Variants in ASAH2 observed in about 807,000 individuals in gnomAD.
ASAH2 encodes neutral ceramidase.
Under a neutral mutation model 82.9 loss-of-function variants are expected in ASAH2, and 58 were observed. That is an observed-to-expected ratio of 0.70 (90% confidence interval 0.57 to 0.87). The LOEUF (loss-of-function observed/expected upper bound fraction) is 0.87, where lower values mean the gene tolerates loss of function less well. Among genes scored for constraint, ASAH2 ranks in the 40% least tolerant of loss-of-function variants. ASAH2 has a pLI of 0.00. For missense variants in ASAH2, 779 were observed against 834.0 expected (o/e 0.93, Z 0.81); for synonymous variants, 276 against 289.7 (o/e 0.95, Z 0.48).
chr10:50,204,487 G>A (rs1845241611), intron 14 of ASAH2, among the ~76,000 whole-genome samples: 2 of 151,822 alleles, frequency 1.3e-5, no homozygotes, highest in African/African-American at 4.8e-5. Context: ...ACTGAGATAG[G>A]AAGACAACAT....
intron 17 of ASAH2, chr10:50,198,242 T>A (rs1372073800): frequency 1.3e-5 from 2 of 151,258 alleles, no homozygotes; most frequent in African/African-American, 4.9e-5. Context: ...GAGGCTTACA[T>A]ATTATTATAT....
chr10:50,233,178 C>T lies in ASAH2; in HGVS notation c.893+6G>A. 1.3e-6 allele frequency: 2 copies of T among 1,593,716 alleles called. No individual in the cohort carries two copies. Among genetic ancestry groups the T allele is most frequent in the East Asian group, 2.2e-5 (1 of 44,772 alleles). On this transcript the variant is annotated splice_donor_region_variant and intron_variant, in intron 7 of 20. Transcript: ENST00000682911. ...CAGAATTATTTTTAAAAAGGAAATACAGTACCTGATAAGGCCCAAGTCATC... is the reference window on the plus strand; with the variant it reads ...CAGAATTATTTTTAAAAAGGAAATATAGTACCTGATAAGGCCCAAGTCATC...
intron 5 of ASAH2, among the ~76,000 whole-genome samples, chr10:50,235,561 T>A (rs912064810): frequency 3.9e-5 from 6 of 152,246 alleles, no homozygotes; most frequent in African/African-American, 1.4e-4. Context: ...CTTCATGGGT[T>A]TCTCTTTGTG....
intron 7 of ASAH2, among the ~76,000 whole-genome samples, chr10:50,231,334 T>C (rs1306508230): frequency 6.6e-6 from 1 of 152,154 alleles, no homozygotes; most frequent in African/African-American, 2.4e-5. Context: ...GTATTTTTCA[T>C]GACTCCGTGA....
chr10:50,225,726 CTT>C (rs1404402009), intron 7 of ASAH2, among the ~76,000 whole-genome samples: 3 of 152,120 alleles, frequency 2.0e-5, no homozygotes, highest in Non-Finnish European at 4.4e-5. Flanking sequence ...TAAACATTCT[CTT>C]TGGCTCAGGA....
intron 16 of ASAH2, among the ~76,000 whole-genome samples, chr10:50,201,231 A>G (rs1845140682): frequency 6.6e-6 from 1 of 151,986 alleles, no homozygotes; most frequent in East Asian, 1.9e-4. Context: ...CCCTGAATTC[A>G]TCCTTCATGT....
At chr10:50,245,924 G>C (rs1405054380) in intron 2 of ASAH2, among the ~76,000 whole-genome samples, 1 of 152,044 alleles carries the variant, frequency 6.6e-6, no homozygotes. Context: ...CTCCTCACCT[G>C]CAGGATGCCA....
rs1845056956 is a variant in ASAH2, at chr10:50,198,665, C to T, written c.1857+386G>A. 2.0e-5 allele frequency among the ~76,000 whole-genome samples: 3 copies of T among 151,968 alleles called. No individual in the cohort carries two copies. In the South Asian group the frequency reaches 6.2e-4, roughly 32 times the overall value. ...GGAGAATCTGGCAAGGATTAGAGAA[C>T]ACAGGTTCAACTCCCAGGTGTAGTA... On this transcript the variant is annotated intron_variant, in intron 17 of 20. Transcript: ENST00000682911.
chr10:50,221,627 T>TTC (rs1554907502), intron 7 of ASAH2, among the ~76,000 whole-genome samples: 8 of 144,686 alleles, frequency 5.5e-5, no homozygotes, highest in African/African-American at 2.1e-4. Context: ...TGAATTCAGG[T>TTC]TGTATGTGTG....
chr10:50,234,578 T>A, intron 5 of ASAH2, 26 bp from the exon 6 acceptor site: 1 of 1,612,440 alleles, frequency 6.2e-7, no homozygotes, highest in Non-Finnish European at 8.5e-7. Context: ...GAGGGGGATG[T>A]TATAAGCTTA....
chr10:50,186,215 G>T lies in ASAH2; in HGVS notation c.*1100C>A, dbSNP rs1425454465. 1.8e-5 allele frequency: 1 copy of T among 54,582 alleles called. No individual in the cohort carries two copies. The highest frequency in any genetic ancestry group is 4.5e-5 in the African/African-American group (1 of 22,002). The allele number at this position is 54,582 out of a possible 1,614,324, so 3.4% of individuals were successfully genotyped here. A position where few individuals can be genotyped will look rare whatever the true frequency, so the allele number is the denominator to read the frequency against. On this transcript the variant is annotated 3_prime_UTR_variant, in exon 21 of 21. Coordinates refer to ENST00000682911, the MANE Select transcript of ASAH2 (RefSeq NM_019893.4). ...TTCCCCAGAATTTACATATTAAATC[G>T]ATTATTTTCTCCTTCATAATAGTTA... is the stretch of plus-strand genomic sequence containing the variant.
chr10:50,216,058 AG>A (rs1303830639), intron 8 of ASAH2, among the ~76,000 whole-genome samples: 1 of 151,852 alleles, frequency 6.6e-6, no homozygotes, highest in Non-Finnish European at 1.5e-5. Flanking sequence ...AACTAACACA[AG>A]AACAGAAAAC....
chr10:50,250,226 G>A (rs1846580102), intron 1 of ASAH2, among the ~76,000 whole-genome samples: 1 of 152,128 alleles, frequency 6.6e-6, no homozygotes, highest in Non-Finnish European at 1.5e-5. Flanking sequence ...ATTTATCTAA[G>A]TTACTACCTG....
At chr10:50,202,725 T>G in intron 16 of ASAH2, 104 bp downstream of exon 16, 2 of 834,862 alleles carry the variant, frequency 2.4e-6, no homozygotes, top group Non-Finnish European at 4.2e-6. Context: ...CATAATCATC[T>G]CTCAGAAACA....
At chr10:50,204,759 A>C in intron 14 of ASAH2, 102 bp downstream of exon 14, 1 of 924,654 alleles carries the variant, frequency 1.1e-6, no homozygotes, top group Admixed American at 2.0e-5. Flanking sequence ...ACAGTAGGAT[A>C]CCAAGGGGTC....
At chr10:50,210,441 A>G (rs1223363071) in intron 12 of ASAH2, among the ~76,000 whole-genome samples, 1 of 152,112 alleles carries the variant, frequency 6.6e-6, no homozygotes, top group African/African-American at 2.4e-5. Flanking sequence ...TGGAGGTTGC[A>G]GTAAGCTGAG....
At chr10:50,198,683 G>A (rs1845057966) in intron 17 of ASAH2, among the ~76,000 whole-genome samples, 1 of 151,946 alleles carries the variant, frequency 6.6e-6, no homozygotes, top group Admixed American at 6.6e-5. Context: ...CAACTCCCAG[G>A]TGTAGTAAGC....
intron 10 of ASAH2, among the ~76,000 whole-genome samples, chr10:50,212,536 G>A (rs1278140249): frequency 6.6e-6 from 1 of 152,138 alleles, no homozygotes; most frequent in Non-Finnish European, 1.5e-5. Context: ...GGAGTTCTAT[G>A]GCTCAGCTTT....
At chr10:50,198,583 T>C (rs1845053906) in intron 17 of ASAH2, among the ~76,000 whole-genome samples, 1 of 151,716 alleles carries the variant, frequency 6.6e-6, no homozygotes, top group South Asian at 2.1e-4. Flanking sequence ...CAAGATATTA[T>C]AATGTGGAAA....
Sources: gnomAD v4.1 joint callset for allele counts (sites outside exome capture counted in the v4.1 genomes callset) on GRCh38, gnomAD v4.1.1 for gene constraint, MANE v1.5 for transcripts, NCBI Gene and HGNC (gene_info 2026-07-23, HGNC 2026-07-21) for gene names.